The following TMEM245 variants were observed in gnomAD, a reference collection of about 807,000 sequenced individuals.
The protein encoded by TMEM245 is transmembrane protein 245.
In TMEM245, 69 loss-of-function variants were observed where a neutral mutation model predicts 101.2. The ratio of observed to expected loss-of-function variants is 0.68; its 90% CI spans 0.56 to 0.83. The LOEUF is 0.83. Among genes scored for constraint, TMEM245 ranks in the 40% least tolerant of loss-of-function variants. The pLI is 0.00. For synonymous variants in TMEM245, 537 were observed against 449.8 expected (o/e 1.19, Z -2.45); for missense variants, 1,075 against 1,092.8 (o/e 0.98, Z 0.23).
intron 14 of TMEM245, among the ~76,000 whole-genome samples, chr9:109,043,068 C>T (rs1265977252): frequency 6.6e-6 from 1 of 152,112 alleles, no homozygotes; most frequent in East Asian, 1.9e-4. Flanking sequence ...CTTTAAATAA[C>T]CTATAATACT....
At chr9:109,070,668 C>G (rs563092472) in intron 9 of TMEM245, among the ~76,000 whole-genome samples, 6 of 152,266 alleles carry the variant, frequency 3.9e-5, no homozygotes, top group Non-Finnish European at 8.8e-5. Flanking sequence ...TTCTACTTCT[C>G]TACTTATATC....
intron 1 of TMEM245, among the ~76,000 whole-genome samples, chr9:109,116,380 C>A (rs1267849543): frequency 6.6e-6 from 1 of 152,138 alleles, no homozygotes; most frequent in Non-Finnish European, 1.5e-5. Flanking sequence ...TCTGCACTTT[C>A]TTTCTTATTT....
chr9:109,093,499 C>A lies in TMEM245; in HGVS notation c.892G>T (p.Asp298Tyr). Reference sequence around the variant, plus strand: ...CCTGCAGGCTGAGTGGAGGGCTGGTCTTCACTGCTTGATTCATACCCTGTG... The same window carrying A: ...CCTGCAGGCTGAGTGGAGGGCTGGTATTCACTGCTTGATTCATACCCTGTG... Reference protein sequence around the residue: ...SITGYESSSEDQPSTQPAEAV... With the variant: ...SITGYESSSEYQPSTQPAEAV... Residue 298 changes from aspartate (D) to tyrosine (Y), a missense_variant, in exon 4 of 18, where the codon GAC (aspartate) becomes TAC (tyrosine). By Grantham distance (160) the Asp-to-Tyr change is radical (BLOSUM62 -3). This residue lies in a region of TMEM245 where 808 missense variants were observed against 741.5 expected (regional missense o/e 1.09). Coordinates refer to ENST00000374586, the MANE Select transcript of TMEM245 (RefSeq NM_032012.4). The A allele has an allele frequency of 6.2e-7, 1 of 1,613,932 alleles. No individual in the cohort carries two copies. Among genetic ancestry groups the A allele is most frequent in the Non-Finnish European group, 8.5e-7 (1 of 1,179,986 alleles).
At chr9:109,088,209 C>T (rs1278440452) in intron 5 of TMEM245, among the ~76,000 whole-genome samples, 3 of 152,216 alleles carry the variant, frequency 2.0e-5, no homozygotes, top group Non-Finnish European at 2.9e-5. Flanking sequence ...TAAAGGTTCA[C>T]AATTTGCTGT....
chr9:109,046,576 C>G (rs1828499230), intron 14 of TMEM245, among the ~76,000 whole-genome samples: 1 of 152,150 alleles, frequency 6.6e-6, no homozygotes, highest in African/African-American at 2.4e-5. Flanking sequence ...CAGACACTAT[C>G]ACTGTCTGGT....
intron 17 of TMEM245, among the ~76,000 whole-genome samples, chr9:109,024,164 A>C (rs1827725297): frequency 6.6e-6 from 1 of 152,186 alleles, no homozygotes; most frequent in Admixed American, 6.5e-5. Flanking sequence ...TGAAAGTTGT[A>C]ACTAACTAAT....
chr9:109,093,449 T>A, intron 4 of TMEM245, 26 bp downstream of exon 4: 1 of 1,581,312 alleles, frequency 6.3e-7, no homozygotes, highest in South Asian at 1.1e-5. Context: ...CAGAATAACC[T>A]TGAATGTCAC....
chr9:109,106,734 G>C, intron 2 of TMEM245, 125 bp from the exon 3 acceptor site: 1 of 588,560 alleles, frequency 1.7e-6, no homozygotes. Flanking sequence ...TTACTTATCA[G>C]GCAAAAAAAA....
intron 7 of TMEM245, among the ~76,000 whole-genome samples, chr9:109,081,461 C>A (rs560442188): frequency 1.3e-5 from 2 of 152,100 alleles, no homozygotes; most frequent in Non-Finnish European, 2.9e-5. Context: ...CATTTGATAT[C>A]ATTAGAATTA....
chr9:109,051,578 A>T (rs938178249), intron 12 of TMEM245, among the ~76,000 whole-genome samples: 9 of 152,208 alleles, frequency 5.9e-5, no homozygotes, highest in African/African-American at 2.2e-4. Context: ...TACCACAGGC[A>T]ACCACAATAT....
intron 10 of TMEM245, among the ~76,000 whole-genome samples, chr9:109,061,522 C>T (rs909445175): frequency 6.6e-6 from 1 of 152,074 alleles, no homozygotes; most frequent in East Asian, 1.9e-4. Context: ...TAATTCATTA[C>T]GTTCTGGTAT....
At chr9:109,055,733 C>G (rs536732872) in intron 12 of TMEM245, among the ~76,000 whole-genome samples, 72 of 151,998 alleles carry the variant, frequency 4.7e-4, no homozygotes, top group South Asian at 1.5e-3. Context: ...CTCCCAGATT[C>G]AAGCGATTCT....
At position 109,019,907 on chromosome 9, in the gene TMEM245, T is replaced by TA. The variant is rs1342538853; in HGVS notation, c.*552dup. 6.6e-6 allele frequency: 1 copy of TA among 152,336 alleles called. No homozygotes were observed. Among genetic ancestry groups the TA allele is most frequent in the Non-Finnish European group, 1.5e-5 (1 of 68,142 alleles). 9.4% of individuals were successfully genotyped at this position (152,336 alleles called of 1,614,324 possible). Reference sequence around the variant, plus strand: ...CATCAAATAAGCCACCCCACCCTTATACTTATGATTTATTATTTCTTAAAG... The same window carrying TA: ...CATCAAATAAGCCACCCCACCCTTATAACTTATGATTTATTATTTCTTAAAG... On this transcript the variant is annotated 3_prime_UTR_variant, in exon 18 of 18. Coordinates refer to ENST00000374586, the MANE Select transcript of TMEM245 (RefSeq NM_032012.4).
At chr9:109,106,199 T>TG (rs11383245) in intron 3 of TMEM245, among the ~76,000 whole-genome samples, 151,985 of 152,024 alleles carry the variant, frequency 1, 75,973 homozygotes, top group Middle Eastern at 1. Flanking sequence ...CACTCCAGCC[T>TG]GGAAACAGAG....
At chr9:109,100,619 T>C (rs573572909) in intron 3 of TMEM245, among the ~76,000 whole-genome samples, 40 of 152,328 alleles carry the variant, frequency 2.6e-4, no homozygotes, top group Non-Finnish European at 3.4e-4. Context: ...CCTCATAAAA[T>C]GCTGGAATTA....
At chr9:109,036,524 T>A in intron 15 of TMEM245, 144 bp from the exon 16 acceptor site, 7 of 779,050 alleles carry the variant, frequency 9.0e-6, no homozygotes, top group Non-Finnish European at 1.3e-5. Flanking sequence ...GGAAATGATA[T>A]GCCCTATCTA....
chr9:109,091,281 G>T (rs1002785278), intron 4 of TMEM245, 126 bp from the exon 5 acceptor site: 2 of 812,570 alleles, frequency 2.5e-6, no homozygotes, highest in Non-Finnish European at 3.7e-6. Flanking sequence ...TGATTACATC[G>T]GGTTAAAAAA....
intron 9 of TMEM245, among the ~76,000 whole-genome samples, chr9:109,070,055 G>C (rs1263413937): frequency 6.6e-6 from 1 of 151,972 alleles, no homozygotes; most frequent in African/African-American, 2.4e-5. Flanking sequence ...ATTTTCCTTT[G>C]TGAACCTATT....
intron 16 of TMEM245, chr9:109,035,878 G>C (rs12551605): frequency 0.057 from 9,158 of 160,350 alleles, 439 homozygotes; most frequent in East Asian, 0.16. Context: ...CAAGGTTCAA[G>C]GCTGCCATGA....
Sources: allele counts gnomAD v4.1 joint callset (sites outside exome capture counted in the v4.1 genomes callset), GRCh38; gene constraint gnomAD v4.1.1; regional missense constraint gnomAD v4.1.1; transcripts MANE v1.5; gene names NCBI Gene and HGNC (gene_info 2026-07-23, HGNC 2026-07-21).